Variants in CYP4F22 observed in about 807,000 individuals in gnomAD.
CYP4F22 encodes the protein cytochrome P450 family 4 subfamily F member 22.
A neutral mutation model predicts 60.4 loss-of-function variants in CYP4F22; 37 were observed. The ratio of observed to expected loss-of-function variants is 0.61; its 90% CI spans 0.47 to 0.81. The LOEUF (loss-of-function observed/expected upper bound fraction) is 0.81, where lower values mean the gene tolerates loss of function less well. CYP4F22 is among the 30% of genes least tolerant of loss of function. The probability of loss-of-function intolerance (pLI) is 0.00; values close to 1 mark genes in which losing one functional copy is unlikely to be tolerated. For synonymous variants in CYP4F22, 258 were observed against 280.5 expected (o/e 0.92, Z 0.80); for missense variants, 655 against 715.0 (o/e 0.92, Z 0.96).
rs535026939 is a variant in CYP4F22, at chr19:15,513,650, C to T, written c.-109+5067C>T. Among the ~76,000 whole-genome samples the T allele has an allele frequency of 3.3e-5, 5 of 152,250 alleles. No homozygotes were observed. The South Asian group carries it at 1.0e-3, about 32-fold the overall frequency. The stretch of plus-strand genomic sequence containing the variant: ...AAGTGCTGGGATTACAAGCGTGAGC[C>T]ACCACGCCCAGCCTAATTTTTTTGT... On this transcript the variant is annotated intron_variant, in intron 1 of 13. Coordinates refer to ENST00000269703, the MANE Select transcript of CYP4F22 (RefSeq NM_173483.4).
chr19:15,541,032 G>C (rs550654098), intron 8 of CYP4F22, among the ~76,000 whole-genome samples: 2 of 152,186 alleles, frequency 1.3e-5, no homozygotes, highest in Non-Finnish European at 2.9e-5. Context: ...AGTGAGCTAT[G>C]ATGGTGCCAC....
At chr19:15,520,230 C>T (rs1393571308) in intron 1 of CYP4F22, among the ~76,000 whole-genome samples, 1 of 151,170 alleles carries the variant, frequency 6.6e-6, no homozygotes, top group Non-Finnish European at 1.5e-5. Context: ...CCTATAGTCC[C>T]AGCTACTCAG....
At chr19:15,515,954 A>G (rs1047286047) in intron 1 of CYP4F22, 2 of 151,794 alleles carry the variant, frequency 1.3e-5, no homozygotes, top group East Asian at 3.9e-4. Flanking sequence ...TGATCTCCTG[A>G]CCTCGTGATC....
intron 1 of CYP4F22, among the ~76,000 whole-genome samples, chr19:15,521,419 G>A (rs1187627719): frequency 6.6e-6 from 1 of 151,898 alleles, no homozygotes; most frequent in Non-Finnish European, 1.5e-5. Flanking sequence ...TTTTAGTAGA[G>A]ACGGGGTTTC....
intron 4 of CYP4F22, among the ~76,000 whole-genome samples, chr19:15,536,520 A>C (rs1457818254): frequency 1.7e-4 from 26 of 152,134 alleles, no homozygotes; most frequent in Non-Finnish European, 1.2e-4. Flanking sequence ...TCTGATAGTC[A>C]GATGAGATTC....
intron 7 of CYP4F22, 71 bp downstream of exon 7, chr19:15,538,064 A>C: frequency 6.2e-7 from 1 of 1,602,816 alleles, no homozygotes; most frequent in South Asian, 1.1e-5. Flanking sequence ...GAGAAAGGGA[A>C]CTCCCAGGCA....
At chr19:15,547,906 T>C (rs1384080137) in intron 10 of CYP4F22, among the ~76,000 whole-genome samples, 1 of 150,692 alleles carries the variant, frequency 6.6e-6, no homozygotes, top group Non-Finnish European at 1.5e-5. Flanking sequence ...ATGAGACAAC[T>C]GCAAATGGCA....
intron 13 of CYP4F22, 141 bp downstream of exon 13, chr19:15,550,897 GCCAGGAGGCCC>G (rs1971587266): frequency 3.3e-5 from 32 of 979,048 alleles, no homozygotes; most frequent in Non-Finnish European, 4.6e-5. Context: ...TCCCCAATGC[GCCAGGAGGCCC>G]CCAAATCAGA....
chr19:15,512,145 T>G (rs931685991), intron 1 of CYP4F22, among the ~76,000 whole-genome samples: 13 of 152,134 alleles, frequency 8.5e-5, no homozygotes, highest in African/African-American at 3.1e-4. Flanking sequence ...TTTCCATGCC[T>G]CATTTCACTG....
intron 1 of CYP4F22, among the ~76,000 whole-genome samples, chr19:15,509,904 C>CCTTTCCTTCCTTCTTTCTTT (rs1971066504): frequency 3.5e-5 from 3 of 86,696 alleles, no homozygotes; most frequent in East Asian, 4.6e-4. Flanking sequence ...TTCCTTCCTT[C>CCTTTCCTTCCTTCTTTCTTT]CTTTCTTTCT....
At chr19:15,547,584 A>C (rs1971541135) in intron 10 of CYP4F22, among the ~76,000 whole-genome samples, 1 of 152,102 alleles carries the variant, frequency 6.6e-6, no homozygotes, top group Non-Finnish European at 1.5e-5. Context: ...GCACTTTGGG[A>C]GGCCGAGGTG....
intron 2 of CYP4F22, among the ~76,000 whole-genome samples, chr19:15,524,984 G>T (rs985534187): frequency 6.6e-6 from 1 of 152,156 alleles, no homozygotes; most frequent in African/African-American, 2.4e-5. Flanking sequence ...GGGTGAGGGA[G>T]CTGGGGTATT....
chr19:15,546,098 C>T (rs1185406813), intron 10 of CYP4F22, among the ~76,000 whole-genome samples: 4 of 152,146 alleles, frequency 2.6e-5, no homozygotes, highest in Non-Finnish European at 5.9e-5. Flanking sequence ...CCTCAGCCTC[C>T]TGAGTAGGTG....
Position 15,521,824 on chromosome 19 carries a change from C to G in CYP4F22, c.-108-1869C>G, listed in dbSNP as rs114235606. ...TAGCTGGGATCACAGACATGCACCA[C>G]CATGCTCAGCTTGTTTAATCTTAAA... On this transcript the variant is annotated intron_variant, in intron 1 of 13. Coordinates refer to ENST00000269703, the MANE Select transcript of CYP4F22 (RefSeq NM_173483.4). Among the ~76,000 whole-genome samples, 1,169 of 152,218 alleles carry G rather than the reference C, an allele frequency of 7.7e-3. 12 individuals are homozygous for G. The highest frequency in any genetic ancestry group is 0.027 in the African/African-American group (1,126 of 41,536).
chr19:15,532,367 C>G (rs966478777), intron 4 of CYP4F22, among the ~76,000 whole-genome samples: 4 of 150,368 alleles, frequency 2.7e-5, no homozygotes, highest in Admixed American at 1.3e-4. Flanking sequence ...CCTCCTCCAC[C>G]TTCTTCTTTT....
At chr19:15,515,234 G>A (rs775653119) in intron 1 of CYP4F22, 30 of 675,128 alleles carry the variant, frequency 4.4e-5, no homozygotes, top group African/African-American at 9.0e-5. Flanking sequence ...TTTACCCACC[G>A]TCTCTCGGCC....
Position 15,537,379 on chromosome 19 carries a change from A to G in CYP4F22, c.386A>G (p.Asp129Gly). The G allele has an allele frequency of 6.2e-7, 1 of 1,614,186 alleles. No homozygotes were observed. Among genetic ancestry groups the G allele is most frequent in the Non-Finnish European group, 8.5e-7 (1 of 1,180,020 alleles). ...LGASAAIAPK[D>G]DLFYGFLKPW... ...TCCACAGCTGCCATCGCCCCCAAGG[A>G]TGACCTCTTCTATGGCTTCCTAAAA... is the stretch of plus-strand genomic sequence containing the variant. The change falls in exon 5 of 14, where the codon GAT becomes GGT. Residue 129 changes from aspartate (D) to glycine (G), a missense_variant. Physicochemically the swap from Asp to Gly is moderately conservative, Grantham distance 94. Around this residue, in one of 3 missense-constraint regions of CYP4F22, gnomAD observed 430 missense variants for 457.1 expected, o/e 0.94. Transcript: ENST00000269703.
chr19:15,542,730 A>G (rs1178024992), intron 8 of CYP4F22, among the ~76,000 whole-genome samples: 1 of 82,204 alleles, frequency 1.2e-5, no homozygotes, highest in Non-Finnish European at 2.5e-5. Flanking sequence ...AGGCCCCCCA[A>G]GTGTGTGTTG....
At chr19:15,549,054 G>T in intron 11 of CYP4F22, 84 bp from the exon 12 acceptor site, 1 of 1,490,092 alleles carries the variant, frequency 6.7e-7, no homozygotes, top group Non-Finnish European at 9.4e-7. Flanking sequence ...GAACATCATG[G>T]CTCTAGGGAG....
Sources: gnomAD v4.1 joint callset for allele counts (sites outside exome capture counted in the v4.1 genomes callset) on GRCh38, gnomAD v4.1.1 for gene constraint, gnomAD v4.1.1 regional missense constraint, MANE v1.5 for transcripts, NCBI Gene and HGNC (gene_info 2026-07-23, HGNC 2026-07-21) for gene names.